The following NAALADL2 variants were observed in gnomAD, a reference collection of about 807,000 sequenced individuals.
The protein encoded by NAALADL2 is N-acetylated alpha-linked acidic dipeptidase like 2.
A neutral mutation model predicts 87.2 loss-of-function variants in NAALADL2; 76 were observed. The observed-to-expected ratio is 0.87, with a 90% confidence interval of 0.72 to 1.05. The LOEUF (loss-of-function observed/expected upper bound fraction) is 1.05. NAALADL2 is among the 50% of genes least tolerant of loss of function. NAALADL2 has a pLI of 0.00. For synonymous variants in NAALADL2, 354 were observed against 331.0 expected, an observed-to-expected ratio of 1.07 and a Z score of -0.75; for missense variants, 1,089 against 945.8, an observed-to-expected ratio of 1.15 and a Z score of -1.99.
rs1003546981 is a variant in NAALADL2, at chr3:174,782,656, AC to A, written c.-9+44911del. ...AAAAGAAAAAAGGTTTAATTGACTC[AC>A]AGTTCTGCATGGCTGGGAAGGCCTC... On this transcript the variant is annotated intron_variant, in intron 3 of 3. Coordinates refer to the NAALADL2 transcript ENST00000434257. Among the ~76,000 whole-genome samples, 12 of 152,128 alleles carry A rather than the reference AC, an allele frequency of 7.9e-5. 1 individual carries two copies. The highest frequency in any genetic ancestry group is 2.4e-4 in the African/African-American group (10 of 41,438).
intron 1 of NAALADL2, among the ~76,000 whole-genome samples, chr3:175,023,382 A>G (rs1751814740): frequency 6.6e-6 from 1 of 152,130 alleles, no homozygotes; most frequent in Non-Finnish European, 1.5e-5. Context: ...AATAAGACAG[A>G]TAATAGTCTA....
intron 2 of NAALADL2, 105 bp from the exon 3 acceptor site, chr3:175,233,826 T>C: frequency 1.5e-6 from 1 of 666,012 alleles, no homozygotes; most frequent in South Asian, 2.0e-5. Flanking sequence ...CATCTTTCAA[T>C]ATTCCACAAC....
chr3:175,234,283 T>A, intron 3 of NAALADL2, 79 bp downstream of exon 3: 3 of 1,425,962 alleles, frequency 2.1e-6, no homozygotes, highest in Non-Finnish European at 2.9e-6. Flanking sequence ...TTGAACTAAC[T>A]GTCAAGATGC....
At chr3:175,259,943 G>A (rs937495897) in intron 4 of NAALADL2, among the ~76,000 whole-genome samples, 23 of 151,848 alleles carry the variant, frequency 1.5e-4, no homozygotes, top group African/African-American at 4.4e-4. Context: ...CACGAGCATC[G>A]CTTGAACCCG....
chr3:174,552,707 G>C (rs1427039362), intron 2 of NAALADL2, among the ~76,000 whole-genome samples: 1 of 146,914 alleles, frequency 6.8e-6, no homozygotes, highest in Admixed American at 7.0e-5. Context: ...GAGGTGGGAG[G>C]ATCATTTGAG....
At chr3:175,094,445 C>T (rs535916519) in intron 1 of NAALADL2, among the ~76,000 whole-genome samples, 1 of 151,936 alleles carries the variant, frequency 6.6e-6, no homozygotes, top group Admixed American at 6.6e-5. Context: ...TTGACAGATT[C>T]TTTAAACCCA....
chr3:174,912,433 G>T (rs1159665848), intron 1 of NAALADL2, among the ~76,000 whole-genome samples: 1 of 152,044 alleles, frequency 6.6e-6, no homozygotes, highest in Non-Finnish European at 1.5e-5. Flanking sequence ...GAAAACGTTT[G>T]TAAATCGTCA....
chr3:175,624,242 T>G (rs1434222427), intron 10 of NAALADL2, among the ~76,000 whole-genome samples: 4 of 151,990 alleles, frequency 2.6e-5, no homozygotes, highest in African/African-American at 9.7e-5. Flanking sequence ...GTGGCCTCAG[T>G]CATTTTTTTA....
intron 2 of NAALADL2, among the ~76,000 whole-genome samples, chr3:175,152,925 T>A (rs1193087886): frequency 6.6e-6 from 1 of 151,514 alleles, no homozygotes; most frequent in East Asian, 1.9e-4. Flanking sequence ...GAAAAAAAAA[T>A]TCTAATGTAT....
intron 5 of NAALADL2, among the ~76,000 whole-genome samples, chr3:175,372,873 T>C (rs7631033): frequency 0.1 from 15,793 of 152,206 alleles, 1,435 homozygotes; most frequent in African/African-American, 0.25. Context: ...GAGCATTCTT[T>C]TTGCCATCTC....
chr3:175,493,782 C>A (rs1017974540), intron 9 of NAALADL2, among the ~76,000 whole-genome samples: 14 of 152,052 alleles, frequency 9.2e-5, no homozygotes, highest in African/African-American at 2.4e-5. Flanking sequence ...TGTTGTTTTG[C>A]ATTTCTTTTT....
chr3:174,509,519 A>C (rs1578052265), intron 1 of NAALADL2, among the ~76,000 whole-genome samples: 1 of 144,610 alleles, frequency 6.9e-6, no homozygotes, highest in African/African-American at 2.6e-5. Flanking sequence ...CTCCTGCCTC[A>C]GCCTCCTAAG....
chr3:174,960,539 C>G (rs1417270793), intron 1 of NAALADL2, among the ~76,000 whole-genome samples: 4 of 151,974 alleles, frequency 2.6e-5, no homozygotes, highest in Admixed American at 2.6e-4. Context: ...TACTAATAAT[C>G]TGGGACTATC....
intron 1 of NAALADL2, among the ~76,000 whole-genome samples, chr3:175,027,492 A>T (rs147169091): frequency 6.6e-6 from 1 of 152,274 alleles, no homozygotes; most frequent in African/African-American, 2.4e-5. Context: ...AATAAGTTCA[A>T]TTAAAAAGAC....
At chr3:174,497,330 C>T (rs10936801) in intron 1 of NAALADL2, among the ~76,000 whole-genome samples, 63,477 of 151,738 alleles carry the variant, frequency 0.42, 14,285 homozygotes, top group East Asian at 0.88. Flanking sequence ...AGATTTTCCT[C>T]TGGAAAACTT....
At chr3:175,341,729 A>C (rs1762586447) in intron 5 of NAALADL2, among the ~76,000 whole-genome samples, 1 of 152,052 alleles carries the variant, frequency 6.6e-6, no homozygotes, top group Non-Finnish European at 1.5e-5. Context: ...AGTATGACCC[A>C]TTGTGATTTT....
At chr3:175,585,241 A>G (rs894683759) in intron 10 of NAALADL2, among the ~76,000 whole-genome samples, 1 of 152,048 alleles carries the variant, frequency 6.6e-6, no homozygotes, top group African/African-American at 2.4e-5. Flanking sequence ...GATCTTCAAG[A>G]CCTCATTAGG....
intron 1 of NAALADL2, among the ~76,000 whole-genome samples, chr3:175,013,288 TATATATA>T (rs1216111668): frequency 1.2e-4 from 10 of 84,532 alleles, no homozygotes; most frequent in African/African-American, 7.4e-4. Context: ...CATATATATA[TATATATA>T]TATATATTTT....
intron 1 of NAALADL2, among the ~76,000 whole-genome samples, chr3:174,952,345 C>T (rs111955782): frequency 6.6e-6 from 1 of 152,144 alleles, no homozygotes; most frequent in African/African-American, 2.4e-5. Flanking sequence ...TAACATTAAG[C>T]ATTCTGGCCT....
Sources: gnomAD v4.1 joint callset for allele counts (sites outside exome capture counted in the v4.1 genomes callset) on GRCh38, gnomAD v4.1.1 for gene constraint, MANE v1.5 for transcripts, NCBI Gene and HGNC (gene_info 2026-07-23, HGNC 2026-07-21) for gene names.